EPS8: variants seen among roughly 807,000 people sequenced by gnomAD.
EPS8 encodes EGFR pathway substrate 8, signaling adaptor.
In EPS8, 42 loss-of-function variants were observed where a neutral mutation model predicts 103.8. The observed-to-expected ratio is 0.40, with a 90% confidence interval of 0.32 to 0.52. The LOEUF (loss-of-function observed/expected upper bound fraction) is 0.52. EPS8 is among the 20% of genes least tolerant of loss of function. The pLI is 0.40. For synonymous variants in EPS8, 344 were observed against 344.6 expected (o/e 1.00, Z 0.02); for missense variants, 969 against 1,005.1 (o/e 0.96, Z 0.49).
chr12:15,739,187 C>G (rs1946795231), intron 1 of EPS8, among the ~76,000 whole-genome samples: 2 of 152,110 alleles, frequency 1.3e-5, no homozygotes, highest in Non-Finnish European at 2.9e-5. Context: ...GATGCTGAGG[C>G]CTTAAAGAGG....
At position 15,650,879 on chromosome 12, in the gene EPS8, C is replaced by A. The variant is rs777120278; in HGVS notation, c.1378G>T (p.Val460Leu). 2 of 1,614,094 alleles carry A rather than the reference C, an allele frequency of 1.2e-6. No homozygotes were observed. Among genetic ancestry groups the A allele is most frequent in the South Asian group, 2.2e-5 (2 of 91,070 alleles). Residue 460 changes from valine (V) to leucine (L), a missense_variant, in exon 14 of 21, where the codon GTG (valine) becomes TTG (leucine). By Grantham distance (32) the Val-to-Leu change is conservative. Transcript: ENST00000281172. ...CGCTGATGTTCTGCTACATTTGCCA[C>A]AGATTCTGCCAGTTGATAAAGATCT... is the stretch of plus-strand genomic sequence containing the variant. ...EQDLYQLAES[V>L]ANVAEHQRKQ...
chr12:15,692,615 A>G (rs1414657890), intron 1 of EPS8, among the ~76,000 whole-genome samples: 1 of 151,882 alleles, frequency 6.6e-6, no homozygotes, highest in African/African-American at 2.4e-5. Context: ...TTCTTTTGCT[A>G]TTTCTTTGAT....
chr12:15,665,914 A>G, intron 7 of EPS8, 22 bp from the exon 8 acceptor site: 1 of 1,611,024 alleles, frequency 6.2e-7, no homozygotes, highest in Non-Finnish European at 8.5e-7. Context: ...GAAAACAAAT[A>G]GAATTTTTAC....
rs982687934 is a variant in EPS8 at position 15,701,731 on chromosome 12, T to C, written c.-21-18759A>G. Among the ~76,000 whole-genome samples the C allele has an allele frequency of 6.6e-6, 1 of 152,194 alleles. No homozygotes were observed. The highest frequency in any genetic ancestry group is 6.5e-5 in the Admixed American group (1 of 15,278). On this transcript the variant is annotated intron_variant, in intron 1 of 20. Transcript: ENST00000281172. This position sits in a 1 kb window ranked among gnomAD's most constrained non-coding sequence, Gnocchi z 5.1. Reference sequence around the variant, plus strand: ...TGTCAATCTCACTTGTTTTTTAGTTTCGAAACATTGGAAATATCTCACAGA... The same window carrying C: ...TGTCAATCTCACTTGTTTTTTAGTTCCGAAACATTGGAAATATCTCACAGA...
chr12:15,772,331 G>T lies in EPS8; in HGVS notation c.-22+16830C>A, dbSNP rs1467114687. 6.6e-6 allele frequency among the ~76,000 whole-genome samples: 1 copy of T among 152,076 alleles called. No homozygotes were observed. Among genetic ancestry groups the T allele is most frequent in the East Asian group, 1.9e-4 (1 of 5,182 alleles). On this transcript the variant is annotated intron_variant, in intron 1 of 20. Coordinates refer to ENST00000281172, the MANE Select transcript of EPS8 (RefSeq NM_004447.6). The surrounding 1 kb of genome is among the most constrained non-coding windows in gnomAD (Gnocchi z 5.0). ...GTCTGAGGGGCCTGTGTGATATTCAGCTTCAGTCATAAATAGAGTTAGAGT... is the reference window on the plus strand; with the variant it reads ...GTCTGAGGGGCCTGTGTGATATTCATCTTCAGTCATAAATAGAGTTAGAGT...
intron 1 of EPS8, among the ~76,000 whole-genome samples, chr12:15,705,022 T>G (rs1199622500): frequency 6.6e-6 from 1 of 152,202 alleles, no homozygotes; most frequent in African/African-American, 2.4e-5. Context: ...CATTGTATTC[T>G]ACTTTAATAA....
At chr12:15,705,720 G>C (rs1056205744) in intron 1 of EPS8, among the ~76,000 whole-genome samples, 1 of 152,142 alleles carries the variant, frequency 6.6e-6, no homozygotes, top group Admixed American at 6.5e-5. Flanking sequence ...ATCAGTTGTT[G>C]ACTGCAATAG....
chr12:15,709,911 A>G (rs943878132), intron 1 of EPS8, among the ~76,000 whole-genome samples: 2 of 152,234 alleles, frequency 1.3e-5, no homozygotes, highest in African/African-American at 4.8e-5. Flanking sequence ...CACGTAACCT[A>G]GATCCCTCAC....
intron 1 of EPS8, among the ~76,000 whole-genome samples, chr12:15,729,984 A>G (rs1416679600): frequency 6.6e-6 from 1 of 152,160 alleles, no homozygotes; most frequent in Non-Finnish European, 1.5e-5. Flanking sequence ...ACTATTCACA[A>G]TACACTTCTA....
intron 3 of EPS8, among the ~76,000 whole-genome samples, chr12:15,676,237 G>C (rs1945904403): frequency 7.1e-6 from 1 of 141,764 alleles, no homozygotes; most frequent in Non-Finnish European, 1.5e-5. Context: ...TCCAGCCTGG[G>C]CGACAGGGCA....
At chr12:15,666,546 G>A in intron 6 of EPS8, 24 bp from the exon 7 acceptor site, 1 of 1,564,674 alleles carries the variant, frequency 6.4e-7, no homozygotes, top group Non-Finnish European at 8.8e-7. Context: ...CAAGTTACCT[G>A]AAAGTTTATG....
At position 15,658,947 on chromosome 12, in the gene EPS8, A is replaced by G. The variant is rs141157107; in HGVS notation, c.938-362T>C. Among the ~76,000 whole-genome samples the G allele has an allele frequency of 3.3e-5, 5 of 152,300 alleles. No homozygotes were observed. The East Asian group carries it at 9.6e-4, about 29-fold the overall frequency. ...CAAGAGAAGTACCAATCGTTATGAG[A>G]AGAGACTTACCTGGTTGGGAGATAA... On this transcript the variant is annotated intron_variant, in intron 10 of 20. Coordinates refer to ENST00000281172, the MANE Select transcript of EPS8 (RefSeq NM_004447.6).
Position 15,732,768 on chromosome 12 carries a change from T to C in EPS8, c.-21-49796A>G, listed in dbSNP as rs548332094. The C allele has an allele frequency of 5.1e-6, 5 of 983,018 alleles. No individual in the cohort carries two copies. The East Asian group carries it at 4.5e-4, about 89-fold the overall frequency. 60.9% of individuals were successfully genotyped at this position (983,018 alleles called of 1,614,324 possible). ...AGTACTTGCCAGATTACTCATAGTT[T>C]GGAGGTTACAGTGGCCACAGGAGAA... On this transcript the variant is annotated intron_variant, in intron 1 of 20. Coordinates refer to ENST00000281172, the MANE Select transcript of EPS8 (RefSeq NM_004447.6).
rs370837980 is a variant in EPS8 at position 15,716,884 on chromosome 12, C to T, written c.-21-33912G>A. 4.6e-5 allele frequency among the ~76,000 whole-genome samples: 7 copies of T among 152,276 alleles called. No homozygotes were observed. Among genetic ancestry groups the T allele is most frequent in the African/African-American group, 9.6e-5 (4 of 41,562 alleles). On this transcript the variant is annotated intron_variant, in intron 1 of 20. Coordinates refer to ENST00000281172, the MANE Select transcript of EPS8 (RefSeq NM_004447.6). The surrounding 1 kb of genome is among the most constrained non-coding windows in gnomAD (Gnocchi z 5.0). ...GTACTGTTCAACCCCAATTCCTCAT[C>T]GGTCCTTCATTCCTTCTTCTTATAA...
Position 15,762,362 on chromosome 12 carries a change from G to A in EPS8, c.-22+26799C>T, listed in dbSNP as rs1947050901. ...CGATGTAAATTACTGCAACCGCTATGCAGAACAGTTTGGCGGTGCCTCAAA... is the reference window on the plus strand; with the variant it reads ...CGATGTAAATTACTGCAACCGCTATACAGAACAGTTTGGCGGTGCCTCAAA... On this transcript the variant is annotated intron_variant, in intron 1 of 20. Transcript: ENST00000281172. This position sits in a 1 kb window ranked among gnomAD's most constrained non-coding sequence, Gnocchi z 4.8. 1.3e-5 allele frequency among the ~76,000 whole-genome samples: 2 copies of A among 152,200 alleles called. No individual in the cohort carries two copies. Among genetic ancestry groups the A allele is most frequent in the Admixed American group, 6.5e-5 (1 of 15,278 alleles).
intron 1 of EPS8, among the ~76,000 whole-genome samples, chr12:15,723,606 A>G (rs1217930207): frequency 6.6e-6 from 1 of 152,192 alleles, no homozygotes; most frequent in East Asian, 1.9e-4. Context: ...TAAAAAATTA[A>G]CGTAGACCTA....
At position 15,780,333 on chromosome 12, in the gene EPS8, T is replaced by A. The variant is rs1163286761; in HGVS notation, c.-22+8828A>T. On this transcript the variant is annotated intron_variant, in intron 1 of 20. Transcript: ENST00000281172. The surrounding 1 kb of genome is among the most constrained non-coding windows in gnomAD (Gnocchi z 4.1). The stretch of plus-strand genomic sequence containing the variant: ...CAACCTATTCCGCACATGTCAAACA[T>A]GCTCATCTTTCTACCTGGAGAGAGA... Among the ~76,000 whole-genome samples, 1 of 151,998 alleles carries A rather than the reference T, an allele frequency of 6.6e-6. No individual in the cohort carries two copies. The highest frequency in any genetic ancestry group is 6.6e-5 in the Admixed American group (1 of 15,252).
chr12:15,782,369 TACA>T (rs1947268885), intron 1 of EPS8, among the ~76,000 whole-genome samples: 3 of 152,074 alleles, frequency 2.0e-5, no homozygotes, highest in Admixed American at 6.5e-5. Context: ...GGCCTGGTGA[TACA>T]TGCCTATGGT....
intron 12 of EPS8, among the ~76,000 whole-genome samples, chr12:15,657,299 A>G (rs1284825607): frequency 6.6e-6 from 1 of 152,048 alleles, no homozygotes; most frequent in Non-Finnish European, 1.5e-5. Flanking sequence ...CTTTACTCCA[A>G]TGACATCTTC....
Sources: gnomAD v4.1 joint callset for allele counts (sites outside exome capture counted in the v4.1 genomes callset) on GRCh38, gnomAD v4.1.1 for gene constraint, Gnocchi (gnomAD v3.1) non-coding constraint, MANE v1.5 for transcripts, NCBI Gene and HGNC (gene_info 2026-07-23, HGNC 2026-07-21) for gene names.